CCDC171: variants seen among roughly 807,000 people sequenced by gnomAD.
CCDC171 encodes coiled-coil domain containing 171.
A neutral mutation model predicts 168.2 loss-of-function variants in CCDC171; 177 were observed. The observed-to-expected ratio is 1.05, with a 90% CI of 0.93 to 1.19. The LOEUF (loss-of-function observed/expected upper bound fraction) is 1.19, where lower values mean the gene tolerates loss of function less well. Ranked by LOEUF, CCDC171 falls within the 50% of genes most tolerant of loss-of-function variation. The pLI, the probability that CCDC171 is intolerant of heterozygous loss-of-function variation, is 0.00. For synonymous variants in CCDC171, 687 were observed against 540.8 expected (o/e 1.27, Z -3.75); for missense variants, 1,991 against 1,539.0 (o/e 1.29, Z -4.91).
chr9:16,048,259 C>A (rs930391360), intron 1 of CCDC171, among the ~76,000 whole-genome samples: 1 of 152,180 alleles, frequency 6.6e-6, no homozygotes, highest in African/African-American at 2.4e-5. Flanking sequence ...TCGTGGGAAA[C>A]GTGTAGAGCT....
At chr9:15,691,172 C>CA (rs906299198) in intron 10 of CCDC171, among the ~76,000 whole-genome samples, 13 of 151,132 alleles carry the variant, frequency 8.6e-5, no homozygotes, top group African/African-American at 1.5e-4. Context: ...TCACTAATAG[C>CA]AAAAAAAACT....
intron 21 of CCDC171, among the ~76,000 whole-genome samples, chr9:15,823,801 A>T (rs530278153): frequency 8.5e-5 from 13 of 152,252 alleles, no homozygotes; most frequent in African/African-American, 3.1e-4. Flanking sequence ...AATGCTTTAC[A>T]CAGATTTAAA....
intron 16 of CCDC171, among the ~76,000 whole-genome samples, chr9:15,731,226 C>G (rs956407018): frequency 2.6e-5 from 4 of 152,018 alleles, no homozygotes; most frequent in Non-Finnish European, 5.9e-5. Context: ...CCTTTCCTCC[C>G]CCAACACACC....
chr9:15,809,087 A>G (rs2059210550), intron 21 of CCDC171, among the ~76,000 whole-genome samples: 2 of 152,266 alleles, frequency 1.3e-5, no homozygotes, highest in South Asian at 4.1e-4. Flanking sequence ...CAAAAGCCCC[A>G]CCTTTTATTG....
intron 25 of CCDC171, among the ~76,000 whole-genome samples, chr9:15,928,235 G>A (rs796584328): frequency 7.9e-5 from 12 of 151,874 alleles, no homozygotes; most frequent in African/African-American, 1.9e-4. Context: ...AAGTACAAGC[G>A]TAGGGTGCTT....
chr9:15,699,971 A>G (rs1056725762), intron 11 of CCDC171, among the ~76,000 whole-genome samples: 7 of 152,384 alleles, frequency 4.6e-5, no homozygotes, highest in South Asian at 2.1e-4. Flanking sequence ...CAGGAGCCCA[A>G]CTGGCTTCAC....
Position 15,623,331 on chromosome 9 carries a change from A to T in CCDC171, c.740A>T (p.Asp247Val). ...GAAAAATTAGAAACAGAACATATGG[A>T]CTGCTCTGACCTTTTACGGCGACAA... ...KVEKLETEHM[D>V]CSDLLRRQTS... is the part of the protein sequence containing the mutation. Residue 247 changes from aspartate to valine, a missense_variant, in exon 7 of 26, where the codon GAC becomes GTC. Transcript: ENST00000380701. 1 of 1,610,142 alleles carries T rather than the reference A, an allele frequency of 6.2e-7. No individual in the cohort carries two copies. The highest frequency in any genetic ancestry group is 8.5e-7 in the Non-Finnish European group (1 of 1,177,324).
chr9:16,058,741 T>A (rs1419175341), intron 1 of CCDC171, among the ~76,000 whole-genome samples: 2 of 152,216 alleles, frequency 1.3e-5, no homozygotes, highest in Non-Finnish European at 2.9e-5. Flanking sequence ...ACTGGAGCTG[T>A]TGTTTTGCCT....
intron 21 of CCDC171, among the ~76,000 whole-genome samples, chr9:15,795,290 A>G (rs1046978961): frequency 2.6e-5 from 4 of 152,148 alleles, no homozygotes; most frequent in African/African-American, 4.8e-5. Flanking sequence ...CACTCCCATG[A>G]TAACTTTATT....
chr9:15,777,890 A>G, intron 19 of CCDC171, 64 bp downstream of exon 19: 2 of 1,079,588 alleles, frequency 1.9e-6, no homozygotes, highest in African/African-American at 1.6e-5. Flanking sequence ...GAATTAGCCT[A>G]ATTTGTAGTT....
At chr9:15,948,925 A>G (rs1028189291) in intron 25 of CCDC171, among the ~76,000 whole-genome samples, 1 of 152,124 alleles carries the variant, frequency 6.6e-6, no homozygotes, top group African/African-American at 2.4e-5. Flanking sequence ...GGTAATGCCT[A>G]GGTTTTCTTC....
intron 6 of CCDC171, among the ~76,000 whole-genome samples, chr9:15,600,519 G>A (rs572177187): frequency 5.4e-4 from 82 of 152,102 alleles, no homozygotes; most frequent in Non-Finnish European, 1.0e-3. Flanking sequence ...AGGAGTACCC[G>A]GCCGTGTGAG....
chr9:15,882,617 T>A (rs9407671), intron 24 of CCDC171, among the ~76,000 whole-genome samples: 104,418 of 151,996 alleles, frequency 0.69, 37,058 homozygotes, highest in South Asian at 0.77. Flanking sequence ...TAATTCAATA[T>A]CAGTATAAAT....
intron 3 of CCDC171, among the ~76,000 whole-genome samples, chr9:15,993,581 A>G (rs904838531): frequency 3.9e-5 from 6 of 152,234 alleles, no homozygotes; most frequent in African/African-American, 1.4e-4. Flanking sequence ...AACAAAAGCC[A>G]AAATTGACAA....
At chr9:15,636,172 A>C (rs958264157) in intron 7 of CCDC171, among the ~76,000 whole-genome samples, 1 of 152,058 alleles carries the variant, frequency 6.6e-6, no homozygotes, top group Non-Finnish European at 1.5e-5. Flanking sequence ...ATATATATCT[A>C]TAAGATGCTA....
At chr9:15,999,864 T>C (rs1832488040) in intron 3 of CCDC171, among the ~76,000 whole-genome samples, 1 of 152,194 alleles carries the variant, frequency 6.6e-6, no homozygotes, top group African/African-American at 2.4e-5. Flanking sequence ...CAGGCTCCTA[T>C]GACTCAGCTT....
intron 11 of CCDC171, among the ~76,000 whole-genome samples, chr9:15,705,557 T>C (rs187616836): frequency 2.0e-5 from 3 of 152,336 alleles, no homozygotes; most frequent in Admixed American, 2.0e-4. Flanking sequence ...AGTGTATCTG[T>C]ATAGCTCTCT....
At chr9:15,622,116 A>G (rs929608164) in intron 6 of CCDC171, among the ~76,000 whole-genome samples, 1 of 152,110 alleles carries the variant, frequency 6.6e-6, no homozygotes, top group African/African-American at 2.4e-5. Context: ...AACAACATAC[A>G]CTGGGTTCTG....
At chr9:15,742,643 C>T (rs753366676) in intron 16 of CCDC171, among the ~76,000 whole-genome samples, 7 of 152,208 alleles carry the variant, frequency 4.6e-5, no homozygotes, top group Non-Finnish European at 8.8e-5. Flanking sequence ...ATGTGGAGTT[C>T]TGGGACATAG....
Sources: gnomAD v4.1 joint callset for allele counts (sites outside exome capture counted in the v4.1 genomes callset) on GRCh38, gnomAD v4.1.1 for gene constraint, MANE v1.5 for transcripts, NCBI Gene and HGNC (gene_info 2026-07-23, HGNC 2026-07-21) for gene names.